The following SLCO3A1 variants were observed in gnomAD, a reference collection of about 807,000 sequenced individuals.
The protein encoded by SLCO3A1 is PGE1 transporter.
Under a neutral mutation model 63.1 loss-of-function variants are expected in SLCO3A1, and 27 were observed. That is an observed-to-expected ratio of 0.43 (90% CI 0.32 to 0.59). The LOEUF (loss-of-function observed/expected upper bound fraction) is 0.59, where lower values mean the gene tolerates loss of function less well. SLCO3A1 is among the 20% of genes least tolerant of loss of function. The pLI, the probability that SLCO3A1 is intolerant of heterozygous loss-of-function variation, is 0.09. For missense variants in SLCO3A1, 773 were observed against 945.8 expected, an observed-to-expected ratio of 0.82 and a Z score of 2.40; for synonymous variants, 473 against 409.9, an observed-to-expected ratio of 1.15 and a Z score of -1.86.
At chr15:92,157,633 T>C (rs576605617) in intron 9 of SLCO3A1, among the ~76,000 whole-genome samples, 1 of 152,140 alleles carries the variant, frequency 6.6e-6, no homozygotes, top group South Asian at 2.1e-4. Flanking sequence ...TGTACAGAAT[T>C]CTTGCCAGTG....
intron 1 of SLCO3A1, among the ~76,000 whole-genome samples, chr15:91,892,081 C>T (rs1006698632): frequency 1.3e-5 from 2 of 152,192 alleles, no homozygotes; most frequent in African/African-American, 2.4e-5. Context: ...GCCCCCTCCC[C>T]CCAGCTTTGC....
rs1468077236 is a variant in SLCO3A1 at position 92,033,702 on chromosome 15, A to AGGTGGTGGCTC, written c.647-61177_647-61167dup. Among the ~76,000 whole-genome samples the AGGTGGTGGCTC allele has an allele frequency of 1.4e-4, 22 of 152,170 alleles. No individual in the cohort carries two copies. Among genetic ancestry groups the AGGTGGTGGCTC allele is most frequent in the Non-Finnish European group, 2.5e-4 (17 of 68,020 alleles). ...AGTAAACAATATAACTAAGAAGAGT[A>AGGTGGTGGCTC]GGTGGTGGCTCGCTGGTGGCAAAAA... On this transcript the variant is annotated intron_variant, in intron 2 of 9. Transcript: ENST00000318445. The surrounding 1 kb of genome is among the most constrained non-coding windows in gnomAD (Gnocchi z 4.5).
downstream of SLCO3A1, among the ~76,000 whole-genome samples, chr15:92,168,349 C>T (rs1486051864): frequency 6.6e-6 from 1 of 152,202 alleles, no homozygotes; most frequent in African/African-American, 2.4e-5. Context: ...AAAACATTCA[C>T]AAGTTTTTTC....
chr15:91,950,995 T>C lies in SLCO3A1; in HGVS notation c.646+34537T>C, dbSNP rs72754014. Among the ~76,000 whole-genome samples the C allele has an allele frequency of 0.057, 8,749 of 152,286 alleles. 366 individuals carry two copies. The highest frequency in any genetic ancestry group is 0.087 in the Non-Finnish European group (5,883 of 68,010). ...GTGTGTATTCTCTTAGTAAAGTCAG[T>C]TCCCACAGTTCCCTGGGGGTGATGT... On this transcript the variant is annotated intron_variant, in intron 2 of 9. Transcript: ENST00000318445. This position sits in a 1 kb window ranked among gnomAD's most constrained non-coding sequence, Gnocchi z 4.4.
At chr15:92,119,404 G>A (rs562446834) in intron 4 of SLCO3A1, among the ~76,000 whole-genome samples, 24 of 152,344 alleles carry the variant, frequency 1.6e-4, no homozygotes, top group African/African-American at 5.8e-4. Context: ...TTAAAGTGGT[G>A]CATGAACCTC....
At chr15:92,041,180 GCTTTATTTCAGCTTTCCTAAGATGAATGA>G (rs2046792347) in intron 2 of SLCO3A1, among the ~76,000 whole-genome samples, 1 of 152,112 alleles carries the variant, frequency 6.6e-6, no homozygotes. Flanking sequence ...AGTAGAACTG[GCTTTATTTCAGCTTTCCTAAGATGAATGA>G]CAGTGCTTTG....
chr15:91,877,470 G>A (rs7183304), intron 1 of SLCO3A1, among the ~76,000 whole-genome samples: 33,700 of 152,116 alleles, frequency 0.22, 5,016 homozygotes, highest in East Asian at 0.59. Context: ...AGACGCTTAC[G>A]TTGTGGTACT....
chr15:92,098,059 G>A (rs575617382), intron 3 of SLCO3A1: 222 of 152,496 alleles, frequency 1.5e-3, no homozygotes, highest in Non-Finnish European at 1.9e-3. Context: ...CACTGAGATT[G>A]GGGTCCAGGA....
At chr15:92,038,733 A>T (rs947936933) in intron 2 of SLCO3A1, among the ~76,000 whole-genome samples, 5 of 152,220 alleles carry the variant, frequency 3.3e-5, no homozygotes, top group African/African-American at 1.2e-4. Flanking sequence ...GATATTCTTC[A>T]TAGAATTCGA....
In SLCO3A1 at chr15:92,165,777, C is replaced by T. The variant is rs2048489286; in HGVS notation, c.*2642C>T. On this transcript the variant is annotated 3_prime_UTR_variant, in exon 10 of 10. Transcript: ENST00000318445. Reference sequence around the variant, plus strand: ...TTTTGTGCTCTAAAGAAGCATTGTACATACAACACTAGATCCAGCCCCTCG... The same window carrying T: ...TTTTGTGCTCTAAAGAAGCATTGTATATACAACACTAGATCCAGCCCCTCG... The T allele has an allele frequency of 1.0e-6, 1 of 985,230 alleles. No homozygotes were observed. The highest frequency in any genetic ancestry group is 4.7e-5 in the South Asian group (1 of 21,290). 61.0% of individuals were successfully genotyped at this position (985,230 alleles called of 1,614,324 possible). A position where few individuals can be genotyped will look rare whatever the true frequency, so the allele number is the denominator to read the frequency against.
At chr15:92,093,339 A>G (rs772338810) in intron 2 of SLCO3A1, among the ~76,000 whole-genome samples, 2 of 152,194 alleles carry the variant, frequency 1.3e-5, no homozygotes, top group African/African-American at 2.4e-5. Context: ...GGAGAAGGGG[A>G]GGTCCCAGAT....
At chr15:92,020,463 G>A (rs12910801) in intron 2 of SLCO3A1, among the ~76,000 whole-genome samples, 30,643 of 152,186 alleles carry the variant, frequency 0.2, 3,325 homozygotes, top group African/African-American at 0.24. Flanking sequence ...CCCTGTCCTG[G>A]GAAAGTGAAA....
rs971660253 is a variant in SLCO3A1 at position 91,862,543 on chromosome 15, T to G, written c.180+8455T>G. Among the ~76,000 whole-genome samples the G allele has an allele frequency of 2.0e-5, 3 of 152,200 alleles. No individual in the cohort carries two copies. The highest frequency in any genetic ancestry group is 2.9e-5 in the Non-Finnish European group (2 of 68,032). On this transcript the variant is annotated intron_variant, in intron 1 of 9. Transcript: ENST00000318445. The surrounding 1 kb of genome is among the most constrained non-coding windows in gnomAD (Gnocchi z 4.0). ...CCAGGTTGTCCTTTGGGACAACTTT[T>G]GGGTGTCTGGATAATGAACCTGTTC... is the stretch of plus-strand genomic sequence containing the variant.
At chr15:92,152,488 A>G (rs1954993769) in intron 9 of SLCO3A1, among the ~76,000 whole-genome samples, 1 of 152,206 alleles carries the variant, frequency 6.6e-6, no homozygotes, top group East Asian at 1.9e-4. Context: ...AAGATGCCCC[A>G]ATTAAAACAA....
At chr15:92,141,935 C>T (rs2048138691) in intron 7 of SLCO3A1, among the ~76,000 whole-genome samples, 2 of 152,236 alleles carry the variant, frequency 1.3e-5, no homozygotes, top group South Asian at 4.1e-4. Flanking sequence ...AGGGCTGCCC[C>T]AGCCTGCTCC....
At chr15:91,936,683 G>C (rs928206864) in intron 2 of SLCO3A1, among the ~76,000 whole-genome samples, 2 of 152,220 alleles carry the variant, frequency 1.3e-5, no homozygotes, top group Admixed American at 6.5e-5. Context: ...AGCCCTTGCA[G>C]ATACATAGAG....
chr15:91,955,637 T>C (rs545578959), intron 2 of SLCO3A1, among the ~76,000 whole-genome samples: 1 of 152,248 alleles, frequency 6.6e-6, no homozygotes, highest in Non-Finnish European at 1.5e-5. Flanking sequence ...CAGCCCATTC[T>C]GTGTCATTTT....
chr15:92,001,824 G>GTTTT (rs1555423043), intron 2 of SLCO3A1, among the ~76,000 whole-genome samples: 6 of 125,876 alleles, frequency 4.8e-5, no homozygotes, highest in Non-Finnish European at 6.7e-5. Flanking sequence ...AGTTGTGTGA[G>GTTTT]TTCTTTTTTT....
chr15:92,114,721 T>A (rs564298697), intron 4 of SLCO3A1, among the ~76,000 whole-genome samples: 30 of 152,262 alleles, frequency 2.0e-4, no homozygotes, highest in African/African-American at 7.2e-4. Flanking sequence ...GTGGGTCTCA[T>A]GTGTTGGGAA....
Sources: allele counts gnomAD v4.1 joint callset (sites outside exome capture counted in the v4.1 genomes callset), GRCh38; gene constraint gnomAD v4.1.1; non-coding constraint Gnocchi (gnomAD v3.1); transcripts MANE v1.5; gene names NCBI Gene and HGNC (gene_info 2026-07-23, HGNC 2026-07-21).